The following CDK8 variants were observed in gnomAD, a reference collection of about 807,000 sequenced individuals.
CDK8 encodes the protein cyclin dependent kinase 8.
In CDK8, 29 loss-of-function variants were observed where a neutral mutation model predicts 71.5. The observed-to-expected ratio is 0.41, with a 90% CI of 0.30 to 0.55. The LOEUF is 0.55. Among genes scored for constraint, CDK8 ranks in the 20% least tolerant of loss-of-function variants. The pLI is 0.37. For synonymous variants in CDK8, 161 were observed against 192.1 expected (o/e 0.84, Z 1.34); for missense variants, 288 against 572.6 (o/e 0.50, Z 5.07).
At chr13:26,362,999 T>C (rs2138014490) in intron 4 of CDK8, among the ~76,000 whole-genome samples, 1 of 151,932 alleles carries the variant, frequency 6.6e-6, no homozygotes, top group East Asian at 1.9e-4. Flanking sequence ...TGTAGTTTTT[T>C]TTTTTTTTTA....
At chr13:26,402,583 A>G (rs570263137) in intron 12 of CDK8, among the ~76,000 whole-genome samples, 1 of 152,384 alleles carries the variant, frequency 6.6e-6, no homozygotes, top group Non-Finnish European at 1.5e-5. Flanking sequence ...GGAGAAGTCC[A>G]GCCCATCACA....
intron 1 of CDK8, among the ~76,000 whole-genome samples, chr13:26,267,855 ACAC>A (rs1450258875): frequency 3.3e-5 from 5 of 152,184 alleles, no homozygotes; most frequent in African/African-American, 1.2e-4. Flanking sequence ...CATGGATGAT[ACAC>A]TGGCAGAAAG....
At chr13:26,286,648 C>T (rs985312123) in intron 1 of CDK8, among the ~76,000 whole-genome samples, 4 of 152,092 alleles carry the variant, frequency 2.6e-5, no homozygotes, top group South Asian at 2.1e-4. Context: ...GCAGCAAAAA[C>T]GAAGATAAGT....
At chr13:26,277,356 G>T (rs1326170734) in intron 1 of CDK8, among the ~76,000 whole-genome samples, 4 of 152,210 alleles carry the variant, frequency 2.6e-5, no homozygotes, top group Non-Finnish European at 5.9e-5. Context: ...GCTCATTGAG[G>T]TTCACTGTTA....
In CDK8 at chr13:26,339,756, A is replaced by ATATATAT. The variant is rs57119146; in HGVS notation, c.204+2114_204+2115insTATATAT. 5.6e-4 allele frequency among the ~76,000 whole-genome samples: 80 copies of ATATATAT among 142,984 alleles called. 1 individual carries two copies. Among genetic ancestry groups the ATATATAT allele is most frequent in the African/African-American group, 1.8e-3 (72 of 39,208 alleles). 93.8% of individuals were successfully genotyped at this position (142,984 alleles called of 152,430 possible). ...TATTTATATAATTACTTAAAAAAAA[A>ATATATAT]ATATATATATATATATAGTGTAGTA... On this transcript the variant is annotated intron_variant, in intron 2 of 12. Coordinates refer to ENST00000381527, the MANE Select transcript of CDK8 (RefSeq NM_001260.3).
Position 26,349,179 on chromosome 13 carries a change from C to G in CDK8, c.312C>G (p.Leu104=), listed in dbSNP as rs751818399. The stretch of plus-strand genomic sequence containing the variant: ...TGTTTGACTATGCTGAACATGACCT[C>G]TGGGTAAGGTGAATTGCTGGCAGAC... The part of the protein sequence containing the change: ...WLLFDYAEHD[L]WHIIKFHRAS... The change falls in exon 3 of 13, where the codon CTC becomes CTG. Residue 104 remains leucine (L), a synonymous_variant. Transcript: ENST00000381527. 1.3e-6 allele frequency: 2 copies of G among 1,568,300 alleles called. No homozygotes were observed.
intron 1 of CDK8, among the ~76,000 whole-genome samples, chr13:26,271,238 C>T (rs551111592): frequency 3.9e-4 from 59 of 152,152 alleles, no homozygotes; most frequent in African/African-American, 1.4e-3. Flanking sequence ...TTTGCAAATA[C>T]AGTTGTGTGT....
chr13:26,320,347 G>A (rs1432601322), intron 1 of CDK8, among the ~76,000 whole-genome samples: 7 of 152,126 alleles, frequency 4.6e-5, no homozygotes, highest in African/African-American at 7.2e-5. Context: ...GTAATTCAGC[G>A]CAGCAGTGAG....
At chr13:26,329,469 G>GTTTTTTTTTTT (rs35796023) in intron 1 of CDK8, among the ~76,000 whole-genome samples, 2 of 71,552 alleles carry the variant, frequency 2.8e-5, no homozygotes, top group Admixed American at 1.5e-4. Flanking sequence ...GCCTATTTCT[G>GTTTTTTTTTTT]TTTTTTTTTT....
intron 1 of CDK8, among the ~76,000 whole-genome samples, chr13:26,289,270 G>T (rs1873182611): frequency 6.6e-6 from 1 of 151,398 alleles, no homozygotes; most frequent in South Asian, 2.1e-4. Flanking sequence ...GGCCAGGATG[G>T]TCTCAATCTC....
intron 4 of CDK8, among the ~76,000 whole-genome samples, chr13:26,380,624 ACCACG>A (rs1281503285): frequency 6.6e-6 from 1 of 151,910 alleles, no homozygotes; most frequent in African/African-American, 2.4e-5. Flanking sequence ...GGCGTGTGTC[ACCACG>A]CCTGGCTGAT....
Position 26,401,518 on chromosome 13 carries a change from C to A in CDK8, c.1163C>A (p.Pro388Gln), listed in dbSNP as rs762174167. 6.2e-7 allele frequency: 1 copy of A among 1,614,170 alleles called. No individual in the cohort carries two copies. Among genetic ancestry groups the A allele is most frequent in the Non-Finnish European group, 8.5e-7 (1 of 1,180,018 alleles). Residue 388 changes from proline (P) to glutamine (Q), a missense_variant, in exon 12 of 13, where the codon CCA (proline) becomes CAA (glutamine). Transcript: ENST00000381527. This position sits in a 1 kb window ranked among gnomAD's most constrained non-coding sequence, Gnocchi z 4.5. ...GNNHTNGTGH[P>Q]GNQDSSHTQG... The stretch of plus-strand genomic sequence containing the variant: ...AACCACACTAATGGAACTGGCCACC[C>A]AGGGAATCAAGACAGCAGTCACACA...
chr13:26,268,946 G>A (rs1194460534), intron 1 of CDK8, among the ~76,000 whole-genome samples: 2 of 152,038 alleles, frequency 1.3e-5, no homozygotes, highest in African/African-American at 4.8e-5. Context: ...TCCTACTCCT[G>A]ATTTTTTTCC....
At chr13:26,361,784 CTTTTTTTTTTTTTTTTT>C (rs553508554) in intron 4 of CDK8, among the ~76,000 whole-genome samples, 2 of 63,306 alleles carry the variant, frequency 3.2e-5, no homozygotes, top group Non-Finnish European at 2.7e-5. Context: ...TTTCTTTTCC[CTTTTTTTTTTTTTTTTT>C]TTTTTTTTTT....
chr13:26,344,658 A>G (rs1873385489), intron 2 of CDK8, among the ~76,000 whole-genome samples: 1 of 152,088 alleles, frequency 6.6e-6, no homozygotes. Context: ...AGGCTAAGAC[A>G]TGAGAATTGC....
At chr13:26,375,192 A>T (rs1874889077) in intron 4 of CDK8, among the ~76,000 whole-genome samples, 1 of 152,210 alleles carries the variant, frequency 6.6e-6, no homozygotes, top group South Asian at 2.1e-4. Context: ...ATTACTCCAG[A>T]ACGTTTAAAG....
chr13:26,378,743 A>G (rs1413815972), intron 4 of CDK8, among the ~76,000 whole-genome samples: 1 of 152,224 alleles, frequency 6.6e-6, no homozygotes, highest in Non-Finnish European at 1.5e-5. Flanking sequence ...CATATAAAAG[A>G]TCAGAGATTA....
At chr13:26,271,312 A>G (rs1351857952) in intron 1 of CDK8, among the ~76,000 whole-genome samples, 2 of 152,136 alleles carry the variant, frequency 1.3e-5, no homozygotes, top group East Asian at 1.9e-4. Flanking sequence ...TTGTGTGAAC[A>G]TCATAGAGCA....
At chr13:26,348,988 A>G in intron 2 of CDK8, 84 bp from the exon 3 acceptor site, 1 of 831,716 alleles carries the variant, frequency 1.2e-6, no homozygotes, top group Non-Finnish European at 2.1e-6. Context: ...GTGGGTTTGT[A>G]TTGCCTTTGA....
Sources: allele counts gnomAD v4.1 joint callset (sites outside exome capture counted in the v4.1 genomes callset), GRCh38; gene constraint gnomAD v4.1.1; non-coding constraint Gnocchi (gnomAD v3.1); transcripts MANE v1.5; gene names NCBI Gene and HGNC (gene_info 2026-07-23, HGNC 2026-07-21).